The following LRRC32 variants were observed in gnomAD, a reference collection of about 807,000 sequenced individuals.
LRRC32 encodes transforming growth factor beta activator LRRC32.
Under a neutral mutation model 15.0 loss-of-function variants are expected in LRRC32, and 5 were observed. The ratio of observed to expected loss-of-function variants is 0.33; its 90% CI spans 0.17 to 0.70. LRRC32 has a LOEUF of 0.70. Ranked by LOEUF, LRRC32 falls within the 30% of genes least tolerant of loss-of-function variation. The pLI is 0.66. For synonymous variants in LRRC32, 391 were observed against 403.9 expected, an observed-to-expected ratio of 0.97 and a Z score of 0.38; for missense variants, 803 against 854.2, an observed-to-expected ratio of 0.94 and a Z score of 0.75.
At chr11:76,668,150 C>A (rs539112170) in intron 1 of LRRC32, among the ~76,000 whole-genome samples, 1 of 152,118 alleles carries the variant, frequency 6.6e-6, no homozygotes, top group Non-Finnish European at 1.5e-5. Flanking sequence ...CTAGGAGTCT[C>A]GGTGACATGG....
intron 2 of LRRC32, among the ~76,000 whole-genome samples, chr11:76,664,395 C>CA (rs1485627043): frequency 2.6e-4 from 40 of 152,368 alleles, no homozygotes; most frequent in African/African-American, 9.4e-4. Flanking sequence ...CATTGCCTGA[C>CA]TTACCGTCGG....
rs776544283 is a variant in LRRC32, at chr11:76,660,068, C to A, written c.1525G>T (p.Asp509Tyr). The A allele has an allele frequency of 2.5e-6, 4 of 1,614,054 alleles. No homozygotes were observed. In the Admixed American group the frequency reaches 6.7e-5, roughly 27 times the overall value. Reference sequence around the variant, plus strand: ...TTGAGGCAGATGAAGCAGGGCAGGTCCACCTGCAGGACCATCAGCCCGTTG... The same window carrying A: ...TTGAGGCAGATGAAGCAGGGCAGGTACACCTGCAGGACCATCAGCCCGTTG... ...QGNGLMVLQV[D>Y]LPCFICLKRL... Residue 509 changes from aspartate (D) to tyrosine (Y), a missense_variant, in exon 3 of 3, where the codon GAC (aspartate) becomes TAC (tyrosine). Transcript: ENST00000260061.
intron 2 of LRRC32, among the ~76,000 whole-genome samples, chr11:76,662,412 C>G (rs1181497784): frequency 6.6e-6 from 1 of 152,160 alleles, no homozygotes; most frequent in African/African-American, 2.4e-5. Flanking sequence ...GTCTTTACCA[C>G]AGCCTGCCCA....
At chr11:76,663,964 C>T (rs925102583) in intron 2 of LRRC32, 1 of 152,262 alleles carries the variant, frequency 6.6e-6, no homozygotes, top group Admixed American at 6.5e-5. Context: ...TTGCAAATTC[C>T]TTTTCCTATT....
intron 2 of LRRC32, among the ~76,000 whole-genome samples, chr11:76,665,436 G>A (rs146470887): frequency 3.0e-4 from 46 of 152,242 alleles, no homozygotes; most frequent in African/African-American, 9.4e-4. Flanking sequence ...AAGTCAAGGA[G>A]CCCAGCTTGG....
At position 76,666,646 on chromosome 11, in the gene LRRC32, G is replaced by A. The variant is rs572409229; in HGVS notation, c.-4-688C>T. Among the ~76,000 whole-genome samples, 4 of 152,138 alleles carry A rather than the reference G, an allele frequency of 2.6e-5. No homozygotes were observed. The South Asian group carries it at 6.2e-4, about 24-fold the overall frequency. On this transcript the variant is annotated intron_variant, in intron 1 of 2. Coordinates refer to ENST00000260061, the MANE Select transcript of LRRC32 (RefSeq NM_001128922.2). ...ACTGAAGCCACACTCCGGCCTCCTG[G>A]GCCAGCCCTTCCCTCTAAGAGCAGC...
At position 76,660,970 on chromosome 11, in the gene LRRC32, G is replaced by T; in HGVS notation, c.623C>A (p.Ser208Tyr). ...RLTHLNLSRN[S>Y]LTCISDFSLQ... ...GCTGAAGTCGGAGATGCAGGTGAGG[G>T]AATTCCTGGAGAGGTTGAGATGGGT... Residue 208 changes from serine (S) to tyrosine (Y), a missense_variant, in exon 3 of 3, where the codon TCC becomes TAC. By Grantham distance (144) the Ser-to-Tyr change is moderately radical. Coordinates refer to ENST00000260061, the MANE Select transcript of LRRC32 (RefSeq NM_001128922.2). 6.2e-7 allele frequency: 1 copy of T among 1,614,176 alleles called. No homozygotes were observed. Among genetic ancestry groups the T allele is most frequent in the Non-Finnish European group, 8.5e-7 (1 of 1,180,038 alleles).
intron 2 of LRRC32, chr11:76,663,300 G>A (rs1327188290): frequency 6.6e-6 from 1 of 152,256 alleles, no homozygotes; most frequent in Non-Finnish European, 1.5e-5. Flanking sequence ...TATAGTCAAA[G>A]ACGGGTAGAG....
At position 76,661,306 on chromosome 11, in the gene LRRC32, AG is replaced by A; in HGVS notation, c.286del (p.Leu96Ter). 6.2e-7 allele frequency: 1 copy of A among 1,614,212 alleles called. No individual in the cohort carries two copies. The highest frequency in any genetic ancestry group is 8.5e-7 in the Non-Finnish European group (1 of 1,180,032). On this transcript the variant is annotated frameshift_variant, in exon 3 of 3. Transcript: ENST00000260061. LOFTEE classifies it low-confidence loss of function (END_TRUNC). ...SFLQPGAFQALTHLEHLSLAH... is the reference protein window; with the variant it reads ...SFLQPGAFQAXTHLEHLSLAH... The stretch of plus-strand genomic sequence containing the variant: ...CAGGCTGAGGTGCTCCAGGTGGGTC[AG>A]GGCCTGGAAGGCTCCTGGCTGGAGG...
intron 1 of LRRC32, among the ~76,000 whole-genome samples, chr11:76,668,854 A>G (rs1952666176): frequency 6.6e-6 from 1 of 152,128 alleles, no homozygotes; most frequent in Non-Finnish European, 1.5e-5. Flanking sequence ...GCACATCCAG[A>G]AGGGATCGTC....
At position 76,659,445 on chromosome 11, in the gene LRRC32, G is replaced by T; in HGVS notation, c.*159C>A. The T allele has an allele frequency of 1.3e-6, 1 of 796,940 alleles. No individual in the cohort carries two copies. Among genetic ancestry groups the T allele is most frequent in the Non-Finnish European group, 1.9e-6 (1 of 518,518 alleles). The allele number at this position is 796,940 out of a possible 1,614,324, so 49.4% of individuals were successfully genotyped here. On this transcript the variant is annotated 3_prime_UTR_variant, in exon 3 of 3. Coordinates refer to ENST00000260061, the MANE Select transcript of LRRC32 (RefSeq NM_001128922.2). ...ACCCAAAGTGCAGCCCGGGAAGGGG[G>T]TCACCCACTGATGCAGCAGGCGGCA...
intron 2 of LRRC32, among the ~76,000 whole-genome samples, chr11:76,662,396 C>T (rs904330755): frequency 6.6e-6 from 1 of 152,152 alleles, no homozygotes; most frequent in African/African-American, 2.4e-5. Context: ...GCCCATGGTC[C>T]CATTGGTCTT....
At chr11:76,666,965 C>T (rs1043662646) in intron 1 of LRRC32, among the ~76,000 whole-genome samples, 1 of 152,190 alleles carries the variant, frequency 6.6e-6, no homozygotes, top group East Asian at 1.9e-4. Flanking sequence ...GAGCACCAGG[C>T]GCACAGTCAC....
chr11:76,665,598 C>T (rs1952612454), intron 2 of LRRC32, among the ~76,000 whole-genome samples: 1 of 152,216 alleles, frequency 6.6e-6, no homozygotes, highest in African/African-American at 2.4e-5. Flanking sequence ...GTAATATCAG[C>T]CTCACTGTTC....
At chr11:76,661,581 C>T (rs1462399077) in intron 2 of LRRC32, 73 bp from the exon 3 acceptor site, 1 of 1,471,030 alleles carries the variant, frequency 6.8e-7, no homozygotes, top group Non-Finnish European at 9.0e-7. Flanking sequence ...ACATGTTTAT[C>T]CAGGAACCCT....
Position 76,661,061 on chromosome 11 carries a change from G to T in LRRC32, c.532C>A (p.Leu178Ile), listed in dbSNP as rs1192485856. 2 of 1,614,246 alleles carry T rather than the reference G, an allele frequency of 1.2e-6. No homozygotes were observed. The highest frequency in any genetic ancestry group is 3.3e-5 in the Admixed American group (2 of 60,036). The part of the protein sequence containing the change: ...TFRDMPALEQ[L>I]DLHSNVLMDI... Reference sequence around the variant, plus strand: ...ATCAGCACGTTGCTATGCAGGTCAAGCTGCTCCAGCGCAGGCATGTCCCGG... The same window carrying T: ...ATCAGCACGTTGCTATGCAGGTCAATCTGCTCCAGCGCAGGCATGTCCCGG... Residue 178 changes from leucine (L) to isoleucine (I), a missense_variant, in exon 3 of 3, where the codon CTT becomes ATT. By Grantham distance (5) the Leu-to-Ile change is conservative (BLOSUM62 2). Coordinates refer to ENST00000260061, the MANE Select transcript of LRRC32 (RefSeq NM_001128922.2).
intron 2 of LRRC32, among the ~76,000 whole-genome samples, chr11:76,662,430 C>T (rs1157269093): frequency 2.6e-5 from 4 of 152,144 alleles, no homozygotes; most frequent in Non-Finnish European, 5.9e-5. Flanking sequence ...CCATCTGATA[C>T]GATCACCCCT....
chr11:76,666,989 C>T (rs903427332), intron 1 of LRRC32, among the ~76,000 whole-genome samples: 1 of 152,242 alleles, frequency 6.6e-6, no homozygotes, highest in African/African-American at 2.4e-5. Flanking sequence ...CATCTGACTG[C>T]TCCCTCTTGT....
chr11:76,666,863 G>C (rs963922538), intron 1 of LRRC32, among the ~76,000 whole-genome samples: 1 of 152,184 alleles, frequency 6.6e-6, no homozygotes, highest in Non-Finnish European at 1.5e-5. Flanking sequence ...CTGGGAACTG[G>C]GAACTCAAAA....
Sources: allele counts gnomAD v4.1 joint callset (sites outside exome capture counted in the v4.1 genomes callset), GRCh38; gene constraint gnomAD v4.1.1; transcripts MANE v1.5; gene names NCBI Gene and HGNC (gene_info 2026-07-23, HGNC 2026-07-21).